The following PTPN13 variants were observed in gnomAD, a reference collection of about 807,000 sequenced individuals.
PTPN13 encodes tyrosine-protein phosphatase non-receptor type 13.
A neutral mutation model predicts 284.0 loss-of-function variants in PTPN13; 191 were observed. The observed-to-expected ratio is 0.67, with a 90% confidence interval of 0.60 to 0.76. PTPN13 has a LOEUF of 0.76. Among genes scored for constraint, PTPN13 ranks in the 30% least tolerant of loss-of-function variants. The pLI is 0.00. For missense variants in PTPN13, 2,797 were observed against 2,939.9 expected, an observed-to-expected ratio of 0.95 and a Z score of 1.12; for synonymous variants, 986 against 1,022.3, an observed-to-expected ratio of 0.96 and a Z score of 0.68.
At chr4:86,690,056 G>GT (rs35182382) in intron 5 of PTPN13, 1 of 220,452 alleles carries the variant, frequency 4.5e-6, no homozygotes, top group Non-Finnish European at 8.8e-6. Context: ...ATTCTGCACA[G>GT]TTTTTCAGTT....
intron 1 of PTPN13, among the ~76,000 whole-genome samples, chr4:86,596,045 G>A (rs767665149): frequency 6.6e-6 from 1 of 152,136 alleles, no homozygotes; most frequent in Admixed American, 6.5e-5. Flanking sequence ...TATTGATTTA[G>A]TAAATTTATA....
At chr4:86,682,682 C>G (rs997802024) in intron 3 of PTPN13, among the ~76,000 whole-genome samples, 4 of 152,096 alleles carry the variant, frequency 2.6e-5, no homozygotes, top group Non-Finnish European at 5.9e-5. Flanking sequence ...ACCAGATGAA[C>G]TAAGCACTGT....
At position 86,750,766 on chromosome 4, in the gene PTPN13, A is replaced by G; in HGVS notation, c.2947A>G (p.Lys983Glu). 1 of 1,613,614 alleles carries G rather than the reference A, an allele frequency of 6.2e-7. No individual in the cohort carries two copies. The highest frequency in any genetic ancestry group is 8.5e-7 in the Non-Finnish European group (1 of 1,179,704). ...LSQASLYPHR[K>E]NVIVNMEPPP... ...TCAGGCCTCTCTCTATCCACATCGG[A>G]AAAATGTCATTGTTAACATGGAACC... is the stretch of plus-strand genomic sequence containing the variant. Residue 983 changes from lysine to glutamate, a missense_variant, in exon 18 of 48, where the codon AAA becomes GAA. Coordinates refer to ENST00000411767, the MANE Select transcript of PTPN13 (RefSeq NM_080683.3).
chr4:86,598,554 A>G (rs1392254981), intron 1 of PTPN13, among the ~76,000 whole-genome samples: 2 of 152,234 alleles, frequency 1.3e-5, no homozygotes, highest in Non-Finnish European at 2.9e-5. Flanking sequence ...AAAAAATTAA[A>G]TAATCACAAA....
At chr4:86,774,301 T>C in intron 32 of PTPN13, 72 bp from the exon 33 acceptor site, 1 of 1,403,464 alleles carries the variant, frequency 7.1e-7, no homozygotes, top group East Asian at 2.5e-5. Context: ...TTAAGGGAAA[T>C]GATAGTCATC....
chr4:86,668,940 C>G (rs193058748), intron 2 of PTPN13, among the ~76,000 whole-genome samples: 1 of 151,424 alleles, frequency 6.6e-6, no homozygotes, highest in Non-Finnish European at 1.5e-5. Context: ...AAAGTATGAT[C>G]CTCCTTGGTA....
chr4:86,773,179 T>C (rs1350578093), intron 32 of PTPN13, among the ~76,000 whole-genome samples: 1 of 152,204 alleles, frequency 6.6e-6, no homozygotes, highest in East Asian at 1.9e-4. Context: ...TGCTACAATT[T>C]GGCAGACTCC....
At chr4:86,789,051 G>A (rs1435664852) in intron 40 of PTPN13, among the ~76,000 whole-genome samples, 1 of 152,188 alleles carries the variant, frequency 6.6e-6, no homozygotes, top group Non-Finnish European at 1.5e-5. Flanking sequence ...TTTAGCAGAG[G>A]AATGAAGGCA....
At chr4:86,775,377 T>A in intron 34 of PTPN13, 35 bp downstream of exon 34, 1 of 1,604,018 alleles carries the variant, frequency 6.2e-7, no homozygotes, top group Non-Finnish European at 8.5e-7. Flanking sequence ...AATATGATTT[T>A]CTTGGTTAGC....
At chr4:86,791,625 C>T (rs1331241875) in intron 40 of PTPN13, among the ~76,000 whole-genome samples, 4 of 152,120 alleles carry the variant, frequency 2.6e-5, no homozygotes, top group Admixed American at 6.5e-5. Context: ...CTCAAACAGG[C>T]GGGTGCCCCT....
At chr4:86,729,829 A>AAGCCTACTTCTGT (rs1734736438) in intron 10 of PTPN13, among the ~76,000 whole-genome samples, 1 of 149,562 alleles carries the variant, frequency 6.7e-6, no homozygotes, top group Non-Finnish European at 1.5e-5. Context: ...CGACCTTCTG[A>AAGCCTACTTCTGT]AGCCTACTTC....
At position 86,765,386 on chromosome 4, in the gene PTPN13, T is replaced by C. The variant is rs1309266990; in HGVS notation, c.4150-9T>C. On this transcript the variant is annotated splice_polypyrimidine_tract_variant and intron_variant, in intron 25 of 47. Coordinates refer to ENST00000411767, the MANE Select transcript of PTPN13 (RefSeq NM_080683.3). ...GTTATAAAATATTATTTTGTCTTTT[T>C]CTCTTTAGGGAGGTGTGAATACGAG... is the stretch of plus-strand genomic sequence containing the variant. The C allele has an allele frequency of 1.3e-6, 2 of 1,577,384 alleles. No individual in the cohort carries two copies. Among genetic ancestry groups the C allele is most frequent in the African/African-American group, 1.4e-5 (1 of 73,884 alleles).
chr4:86,780,549 G>A (rs1741185753), intron 36 of PTPN13, 77 bp downstream of exon 36: 2 of 965,748 alleles, frequency 2.1e-6, no homozygotes, highest in South Asian at 1.4e-5. Flanking sequence ...TGGAAAACAG[G>A]TTGACAATTT....
chr4:86,799,926 C>T (rs1051841462), intron 42 of PTPN13, among the ~76,000 whole-genome samples: 2 of 144,176 alleles, frequency 1.4e-5, no homozygotes, highest in South Asian at 4.6e-4. Context: ...CAACCTCCAT[C>T]TCCTGAATTC....
In PTPN13 at chr4:86,717,121, T is replaced by A. The variant is rs751513868; in HGVS notation, c.1385+4T>A. On this transcript the variant is annotated splice_donor_region_variant and intron_variant, in intron 9 of 47. Coordinates refer to ENST00000411767, the MANE Select transcript of PTPN13 (RefSeq NM_080683.3). ...AAGGCCAGTCACAGAGACCGAGGTATGTCATGAAAAAGTAGTGATGATACA... is the reference window on the plus strand; with the variant it reads ...AAGGCCAGTCACAGAGACCGAGGTAAGTCATGAAAAAGTAGTGATGATACA... 6.3e-5 allele frequency: 101 copies of A among 1,598,388 alleles called. No homozygotes were observed. Among genetic ancestry groups the A allele is most frequent in the Non-Finnish European group, 8.2e-5 (96 of 1,168,286 alleles).
chr4:86,795,866 A>T lies in PTPN13; in HGVS notation c.6346-1008A>T, dbSNP rs1743278896. 2.0e-5 allele frequency among the ~76,000 whole-genome samples: 3 copies of T among 152,104 alleles called. No homozygotes were observed. The South Asian group carries it at 6.2e-4, about 32-fold the overall frequency. On this transcript the variant is annotated intron_variant, in intron 40 of 47. Coordinates refer to ENST00000411767, the MANE Select transcript of PTPN13 (RefSeq NM_080683.3). Reference sequence around the variant, plus strand: ...AGAACACATGGACACAGGGCGGGGAATGTCACACACCAGGGCCTTTTGGGG... The same window carrying T: ...AGAACACATGGACACAGGGCGGGGATTGTCACACACCAGGGCCTTTTGGGG...
intron 23 of PTPN13, 62 bp downstream of exon 23, chr4:86,759,135 T>A (rs1738368963): frequency 4.6e-6 from 7 of 1,532,168 alleles, no homozygotes; most frequent in Non-Finnish European, 6.2e-6. Context: ...TCCTTTTTAG[T>A]GATATTCGCA....
intron 10 of PTPN13, among the ~76,000 whole-genome samples, chr4:86,731,274 T>C (rs961960462): frequency 2.6e-5 from 4 of 152,216 alleles, no homozygotes; most frequent in Admixed American, 2.6e-4. Flanking sequence ...TTTCAGTCTT[T>C]TCTCAACCCT....
At chr4:86,670,195 CTCA>C (rs1054513562) in intron 2 of PTPN13, among the ~76,000 whole-genome samples, 3 of 136,322 alleles carry the variant, frequency 2.2e-5, no homozygotes, top group Non-Finnish European at 4.7e-5. Flanking sequence ...TTTTGGTGAC[CTCA>C]TCAAGTCACA....
Sources: gnomAD v4.1 joint callset for allele counts (sites outside exome capture counted in the v4.1 genomes callset) on GRCh38, gnomAD v4.1.1 for gene constraint, MANE v1.5 for transcripts, NCBI Gene and HGNC (gene_info 2026-07-23, HGNC 2026-07-21) for gene names.